Variants in SLC1A2 observed in about 807,000 individuals in gnomAD.
The protein encoded by SLC1A2 is solute carrier family 1 member 2, also known as excitatory amino acid transporter 2.
Under a neutral mutation model 48.8 loss-of-function variants are expected in SLC1A2, and 15 were observed. That is an observed-to-expected ratio of 0.31 (90% CI 0.21 to 0.47). The LOEUF (loss-of-function observed/expected upper bound fraction) is 0.47, where lower values mean the gene tolerates loss of function less well. SLC1A2 is among the 20% of genes least tolerant of loss of function. The pLI, the probability that SLC1A2 is intolerant of heterozygous loss-of-function variation, is 0.99. For missense variants in SLC1A2, 502 were observed against 730.5 expected (o/e 0.69, Z 3.61); for synonymous variants, 279 against 272.6 (o/e 1.02, Z -0.23).
chr11:35,359,682 G>A (rs1470855862), intron 1 of SLC1A2, among the ~76,000 whole-genome samples: 8 of 152,226 alleles, frequency 5.3e-5, no homozygotes, highest in Non-Finnish European at 8.8e-5. Context: ...AGCGTACCAA[G>A]TACTTGGCTC....
chr11:35,417,575 T>A (rs1187896124), intron 1 of SLC1A2, among the ~76,000 whole-genome samples: 2 of 152,228 alleles, frequency 1.3e-5, no homozygotes, highest in Non-Finnish European at 2.9e-5. Flanking sequence ...TCTAGAGATC[T>A]GTTTTAGCAC....
intron 1 of SLC1A2, among the ~76,000 whole-genome samples, chr11:35,318,133 G>A (rs1438273387): frequency 6.6e-6 from 1 of 152,176 alleles, no homozygotes; most frequent in Non-Finnish European, 1.5e-5. Context: ...AGCTAAACTG[G>A]CAAGAGCTAA....
At chr11:35,288,237 G>A (rs1360484317) in intron 7 of SLC1A2, among the ~76,000 whole-genome samples, 1 of 152,190 alleles carries the variant, frequency 6.6e-6, no homozygotes, top group African/African-American at 2.4e-5. Flanking sequence ...ACAACCTTAG[G>A]AGAGCCAGAT....
intron 1 of SLC1A2, among the ~76,000 whole-genome samples, chr11:35,377,897 A>G (rs1263775304): frequency 1.3e-5 from 2 of 152,238 alleles, no homozygotes; most frequent in African/African-American, 4.8e-5. Context: ...TCTTTATCCC[A>G]GTGTTGGCTT....
chr11:35,321,315 GAGA>G (rs1227321658), intron 1 of SLC1A2, among the ~76,000 whole-genome samples: 1 of 152,168 alleles, frequency 6.6e-6, no homozygotes, highest in Non-Finnish European at 1.5e-5. Context: ...AAGGGTGGAG[GAGA>G]AGGATAGCAG....
intron 2 of SLC1A2, 109 bp downstream of exon 2, chr11:35,317,268 C>T (rs575447342): frequency 8.8e-6 from 11 of 1,244,806 alleles, no homozygotes; most frequent in East Asian, 7.2e-5. Context: ...AGGCAAACCA[C>T]GTGGCTTCCT....
intron 1 of SLC1A2, among the ~76,000 whole-genome samples, chr11:35,368,155 C>T (rs983064991): frequency 5.3e-5 from 8 of 152,100 alleles, no homozygotes; most frequent in Non-Finnish European, 1.2e-4. Flanking sequence ...ATCAATGCAC[C>T]CCCAATCATC....
chr11:35,327,107 C>G (rs990289004), intron 1 of SLC1A2, among the ~76,000 whole-genome samples: 1 of 152,162 alleles, frequency 6.6e-6, no homozygotes, highest in Non-Finnish European at 1.5e-5. Flanking sequence ...GCCTCCACAG[C>G]GTTTCTTGAA....
At chr11:35,275,071 C>T (rs1421070118) in intron 9 of SLC1A2, among the ~76,000 whole-genome samples, 1 of 152,208 alleles carries the variant, frequency 6.6e-6, no homozygotes, top group Non-Finnish European at 1.5e-5. Context: ...TGTCAATTCT[C>T]CAGCCCCACC....
At chr11:35,380,456 A>G (rs1038845500) in intron 1 of SLC1A2, 18 of 398,440 alleles carry the variant, frequency 4.5e-5, no homozygotes, top group African/African-American at 3.7e-4. Context: ...CTTGTTAAAG[A>G]GTTTTATTTT....
chr11:35,413,705 G>A (rs1235457303), intron 1 of SLC1A2: 2 of 152,262 alleles, frequency 1.3e-5, no homozygotes, highest in Admixed American at 1.3e-4. Context: ...CCAGTGCTGG[G>A]AAAAAGGCAA....
intron 1 of SLC1A2, among the ~76,000 whole-genome samples, chr11:35,408,742 G>A (rs888638657): frequency 6.6e-6 from 1 of 152,158 alleles, no homozygotes; most frequent in African/African-American, 2.4e-5. Flanking sequence ...ATCTGACAGT[G>A]AATAGTGAAT....
At position 35,284,087 on chromosome 11, in the gene SLC1A2, T is replaced by TTATATATATATA. The variant is rs34252173; in HGVS notation, c.1286+2658_1286+2669dup. Among the ~76,000 whole-genome samples, 127 of 115,844 alleles carry TTATATATATATA rather than the reference T, an allele frequency of 1.1e-3. 2 individuals are homozygous for TTATATATATATA. Among genetic ancestry groups the TTATATATATATA allele is most frequent in the African/African-American group, 1.9e-3 (59 of 30,502 alleles). The allele number at this position is 115,844 out of a possible 152,430, so 76.0% of individuals were successfully genotyped here. ...TCATAGGGTGGTTGTGAAGATTTTA[T>TTATATATATATA]TATATATATATATATATATATATAA... On this transcript the variant is annotated intron_variant, in intron 8 of 10. Coordinates refer to ENST00000278379, the MANE Select transcript of SLC1A2 (RefSeq NM_004171.4).
intron 1 of SLC1A2, among the ~76,000 whole-genome samples, chr11:35,412,042 C>CA (rs5791054): frequency 0.35 from 46,920 of 134,080 alleles, 7,921 homozygotes; most frequent in East Asian, 0.55. Flanking sequence ...CTTACTGGAG[C>CA]AAAAAAAAAA....
chr11:35,401,831 G>A lies in SLC1A2; in HGVS notation c.17+17119C>T, dbSNP rs1353667923. On this transcript the variant is annotated intron_variant, in intron 1 of 10. Coordinates refer to ENST00000278379, the MANE Select transcript of SLC1A2 (RefSeq NM_004171.4). ...ACCTTAAAGCGCCATATTGGTGGGG[G>A]TAGACCCTCAGTGTTAAAGGAAACA... 5.3e-5 allele frequency among the ~76,000 whole-genome samples: 8 copies of A among 152,172 alleles called. No homozygotes were observed. In the South Asian group the frequency reaches 1.5e-3, roughly 28 times the overall value.
At chr11:35,374,311 A>G in intron 1 of SLC1A2, 1 of 1,051,004 alleles carries the variant, frequency 9.5e-7, no homozygotes, top group Non-Finnish European at 1.4e-6. Flanking sequence ...TTCTCTCCAG[A>G]AGAGTGGAAA....
At chr11:35,384,488 G>A (rs561995387) in intron 1 of SLC1A2, among the ~76,000 whole-genome samples, 2 of 152,328 alleles carry the variant, frequency 1.3e-5, no homozygotes, top group Admixed American at 1.3e-4. Flanking sequence ...GAGGCCATCT[G>A]CAAAGCATAT....
At chr11:35,410,877 T>C (rs1855437946) in intron 1 of SLC1A2, among the ~76,000 whole-genome samples, 1 of 152,184 alleles carries the variant, frequency 6.6e-6, no homozygotes. Flanking sequence ...CATAAGGATT[T>C]ACGCTGAAAG....
chr11:35,404,890 G>A (rs1855238848), intron 1 of SLC1A2, among the ~76,000 whole-genome samples: 4 of 152,158 alleles, frequency 2.6e-5, no homozygotes, highest in Admixed American at 2.0e-4. Context: ...CCAGCATCTC[G>A]GCTTTGACTC....
Sources: allele counts gnomAD v4.1 joint callset (sites outside exome capture counted in the v4.1 genomes callset), GRCh38; gene constraint gnomAD v4.1.1; transcripts MANE v1.5; gene names NCBI Gene and HGNC (gene_info 2026-07-23, HGNC 2026-07-21).